The following SGCZ variants were observed in gnomAD, a reference collection of about 807,000 sequenced individuals.
SGCZ encodes zeta-sarcoglycan.
SGCZ carries 40 observed loss-of-function variants against 41.3 expected under a neutral mutation model. That is an observed-to-expected ratio of 0.97 (90% confidence interval 0.75 to 1.26). SGCZ has a LOEUF of 1.26. SGCZ is among the 50% of genes most tolerant of loss of function. SGCZ has a pLI of 0.00. For missense variants in SGCZ, 552 were observed against 369.8 expected, an observed-to-expected ratio of 1.49 and a Z score of -4.04; for synonymous variants, 206 against 137.5, an observed-to-expected ratio of 1.50 and a Z score of -3.49.
chr8:15,182,004 T>G (rs1800194162), intron 1 of SGCZ, among the ~76,000 whole-genome samples: 1 of 152,158 alleles, frequency 6.6e-6, no homozygotes, highest in African/African-American at 2.4e-5. Context: ...CATAGAATGG[T>G]GCACTCATCA....
chr8:14,888,993 A>G (rs980313303), intron 1 of SGCZ, among the ~76,000 whole-genome samples: 4 of 152,154 alleles, frequency 2.6e-5, no homozygotes, highest in African/African-American at 9.6e-5. Flanking sequence ...ACATTTGCCA[A>G]TTTTCAAAAC....
At chr8:15,196,102 T>A (rs1248450649) in intron 1 of SGCZ, among the ~76,000 whole-genome samples, 1 of 135,452 alleles carries the variant, frequency 7.4e-6, no homozygotes, top group Non-Finnish European at 1.7e-5. Context: ...TTTCACCTTG[T>A]TAGCCAGGAT....
chr8:14,906,745 A>G (rs1185779075), intron 1 of SGCZ, among the ~76,000 whole-genome samples: 1 of 152,220 alleles, frequency 6.6e-6, no homozygotes, highest in African/African-American at 2.4e-5. Flanking sequence ...TGAGAAATCA[A>G]CTGGAGACCA....
At chr8:14,260,047 T>C (rs1337680648) in intron 3 of SGCZ, among the ~76,000 whole-genome samples, 2 of 152,152 alleles carry the variant, frequency 1.3e-5, no homozygotes, top group East Asian at 3.9e-4. Context: ...TAAGTTGGAT[T>C]CCTAGGTATT....
At chr8:14,876,772 G>A (rs549598951) in intron 1 of SGCZ, among the ~76,000 whole-genome samples, 4 of 152,108 alleles carry the variant, frequency 2.6e-5, no homozygotes, top group Non-Finnish European at 5.9e-5. Flanking sequence ...CAAGAATTAG[G>A]AAGGAGAAAT....
chr8:14,732,293 C>T (rs2130243623), intron 1 of SGCZ, among the ~76,000 whole-genome samples: 1 of 152,252 alleles, frequency 6.6e-6, no homozygotes, highest in South Asian at 2.1e-4. Context: ...GGATACCATC[C>T]ACCCTGCTAA....
At chr8:14,946,053 TATGA>T (rs1323280921) in intron 1 of SGCZ, among the ~76,000 whole-genome samples, 1 of 97,258 alleles carries the variant, frequency 1.0e-5, no homozygotes, top group East Asian at 3.2e-4. Flanking sequence ...TATATATATA[TATGA>T]ATCATTCTGT....
At chr8:14,738,094 C>T (rs1295852040) in intron 1 of SGCZ, among the ~76,000 whole-genome samples, 1 of 152,066 alleles carries the variant, frequency 6.6e-6, no homozygotes, top group Admixed American at 6.6e-5. Context: ...GACAGCCACA[C>T]GATATTGCTC....
At chr8:14,862,231 C>T (rs545362229) in intron 1 of SGCZ, among the ~76,000 whole-genome samples, 1 of 152,000 alleles carries the variant, frequency 6.6e-6, no homozygotes, top group Non-Finnish European at 1.5e-5. Context: ...GAAACCAAGG[C>T]TCTGAGAATC....
intron 2 of SGCZ, among the ~76,000 whole-genome samples, chr8:14,371,761 G>T (rs1803915617): frequency 6.6e-6 from 1 of 152,086 alleles, no homozygotes; most frequent in Non-Finnish European, 1.5e-5. Flanking sequence ...AATAGTGACA[G>T]GTTTAGGGTG....
At chr8:14,830,503 T>C (rs1802488119) in intron 1 of SGCZ, among the ~76,000 whole-genome samples, 1 of 152,240 alleles carries the variant, frequency 6.6e-6, no homozygotes, top group South Asian at 2.1e-4. Flanking sequence ...CCTATTAGAA[T>C]AATGCTATTA....
chr8:14,117,919 C>CT (rs1317255911), intron 5 of SGCZ, among the ~76,000 whole-genome samples: 2 of 150,448 alleles, frequency 1.3e-5, no homozygotes, highest in African/African-American at 2.4e-5. Flanking sequence ...TGAACTCATC[C>CT]TTTTTATGGT....
At chr8:14,526,127 A>C (rs771563194) in intron 2 of SGCZ, among the ~76,000 whole-genome samples, 1 of 152,142 alleles carries the variant, frequency 6.6e-6, no homozygotes, top group Non-Finnish European at 1.5e-5. Flanking sequence ...TATAAAAACA[A>C]ATTTAAGCTA....
At chr8:14,794,381 G>C (rs911310150) in intron 1 of SGCZ, among the ~76,000 whole-genome samples, 2 of 151,984 alleles carry the variant, frequency 1.3e-5, no homozygotes, top group Admixed American at 6.6e-5. Flanking sequence ...TTATATAAAA[G>C]AAAAGACAAA....
intron 1 of SGCZ, among the ~76,000 whole-genome samples, chr8:15,100,457 T>C (rs1194486166): frequency 6.6e-6 from 1 of 152,070 alleles, no homozygotes; most frequent in African/African-American, 2.4e-5. Context: ...TCAAAGAATA[T>C]CTAAATAAAT....
At chr8:14,510,246 G>C (rs1802429571) in intron 2 of SGCZ, among the ~76,000 whole-genome samples, 1 of 152,006 alleles carries the variant, frequency 6.6e-6, no homozygotes, top group African/African-American at 2.4e-5. Context: ...AGTAAAATAA[G>C]AGGCAGACTG....
intron 2 of SGCZ, among the ~76,000 whole-genome samples, chr8:14,474,749 C>G (rs1275440094): frequency 6.6e-6 from 1 of 152,162 alleles, no homozygotes; most frequent in Non-Finnish European, 1.5e-5. Context: ...TTGATTCACA[C>G]TAAAAATCAA....
chr8:14,443,341 C>T (rs1173395358), intron 2 of SGCZ, among the ~76,000 whole-genome samples: 2 of 152,072 alleles, frequency 1.3e-5, no homozygotes, highest in Non-Finnish European at 2.9e-5. Context: ...AAAAAAGAGC[C>T]CGCATCGCCA....
At chr8:14,782,208 CTTA>C (rs1157478619) in intron 1 of SGCZ, among the ~76,000 whole-genome samples, 2 of 152,166 alleles carry the variant, frequency 1.3e-5, no homozygotes, top group Non-Finnish European at 2.9e-5. Context: ...TATGCTAAAA[CTTA>C]TTAAGCACTT....
Sources: gnomAD v4.1 joint callset for allele counts (sites outside exome capture counted in the v4.1 genomes callset) on GRCh38, gnomAD v4.1.1 for gene constraint, MANE v1.5 for transcripts, NCBI Gene and HGNC (gene_info 2026-07-23, HGNC 2026-07-21) for gene names.